Variants in GRID2 observed in about 807,000 individuals in gnomAD.
GRID2 encodes the protein glutamate ionotropic receptor delta type subunit 2.
Under a neutral mutation model 114.8 loss-of-function variants are expected in GRID2, and 33 were observed. That is an observed-to-expected ratio of 0.29 (90% CI 0.22 to 0.38). The LOEUF is 0.38. GRID2 is among the 10% of genes least tolerant of loss of function. GRID2 has a pLI of 1.00. For synonymous variants in GRID2, 505 were observed against 449.9 expected, an observed-to-expected ratio of 1.12 and a Z score of -1.55; for missense variants, 1,184 against 1,257.7, an observed-to-expected ratio of 0.94 and a Z score of 0.89.
intron 1 of GRID2, among the ~76,000 whole-genome samples, chr4:92,533,257 A>G (rs576137732): frequency 1.3e-5 from 2 of 151,806 alleles, no homozygotes; most frequent in East Asian, 3.9e-4. Context: ...TGGGAGCCCA[A>G]AAAGGTACAA....
chr4:92,632,289 A>C (rs925088734), intron 2 of GRID2, among the ~76,000 whole-genome samples: 1 of 152,276 alleles, frequency 6.6e-6, no homozygotes, highest in African/African-American at 2.4e-5. Context: ...CCACTGAAAT[A>C]GTTTTTAATT....
intron 1 of GRID2, among the ~76,000 whole-genome samples, chr4:92,391,656 T>G (rs1730243308): frequency 6.6e-6 from 1 of 152,182 alleles, no homozygotes; most frequent in African/African-American, 2.4e-5. Flanking sequence ...AATAGACCAC[T>G]GTGTGGATTA....
chr4:92,832,182 G>A (rs1742148307), intron 2 of GRID2, among the ~76,000 whole-genome samples: 1 of 152,126 alleles, frequency 6.6e-6, no homozygotes, highest in East Asian at 1.9e-4. Flanking sequence ...GCTCACTCCT[G>A]TAATCCCAGC....
At chr4:93,309,835 G>A (rs944252982) in intron 8 of GRID2, among the ~76,000 whole-genome samples, 8 of 152,158 alleles carry the variant, frequency 5.3e-5, no homozygotes, top group Non-Finnish European at 8.8e-5. Context: ...AAGAGGGCAT[G>A]AGACCTATTC....
chr4:93,110,675 T>C (rs1732677117), intron 3 of GRID2, 73 bp from the exon 4 acceptor site: 2 of 942,186 alleles, frequency 2.1e-6, no homozygotes, highest in Non-Finnish European at 3.5e-6. Context: ...TATTCTGATA[T>C]AGGTGAAATA....
chr4:92,323,284 A>G (rs1456097925), intron 1 of GRID2, among the ~76,000 whole-genome samples: 1 of 152,052 alleles, frequency 6.6e-6, no homozygotes, highest in African/African-American at 2.4e-5. Context: ...TCATAAGTGT[A>G]TATACATTTT....
At chr4:93,211,030 T>C (rs1404094101) in intron 5 of GRID2, among the ~76,000 whole-genome samples, 1 of 152,108 alleles carries the variant, frequency 6.6e-6, no homozygotes, top group African/African-American at 2.4e-5. Flanking sequence ...AGAAATGGAT[T>C]AATCTGGACA....
At chr4:92,506,865 G>A (rs1724000717) in intron 1 of GRID2, among the ~76,000 whole-genome samples, 1 of 151,740 alleles carries the variant, frequency 6.6e-6, no homozygotes, top group Non-Finnish European at 1.5e-5. Flanking sequence ...GGCGTCATCA[G>A]TTTCTGAAAA....
chr4:92,498,389 A>G lies in GRID2; in HGVS notation c.89-91742A>G, dbSNP rs547625465. Among the ~76,000 whole-genome samples the G allele has an allele frequency of 2.0e-5, 3 of 152,032 alleles. No individual in the cohort carries two copies. The South Asian group carries it at 6.2e-4, about 31-fold the overall frequency. Reference sequence around the variant, plus strand: ...CAGTAAGAGCATATATGTGCCAAGTATGTTCCAGTAAAGGGCAATTAAGGG... The same window carrying G: ...CAGTAAGAGCATATATGTGCCAAGTGTGTTCCAGTAAAGGGCAATTAAGGG... On this transcript the variant is annotated intron_variant, in intron 1 of 15. Transcript: ENST00000282020.
At chr4:93,807,079 T>C (rs1735048085) in exon 2 of GRID2, 1 of 152,306 alleles carries the variant, frequency 6.6e-6, no homozygotes, top group Admixed American at 6.5e-5. Context: ...ACAGGACTGC[T>C]GCTTTCAGCC....
At chr4:92,706,375 G>A (rs907589080) in intron 2 of GRID2, among the ~76,000 whole-genome samples, 1 of 152,148 alleles carries the variant, frequency 6.6e-6, no homozygotes, top group Admixed American at 6.5e-5. Flanking sequence ...AAATACTGAT[G>A]TTTGTTATTT....
At chr4:93,311,858 G>A (rs796894545) in intron 8 of GRID2, among the ~76,000 whole-genome samples, 6 of 152,300 alleles carry the variant, frequency 3.9e-5, no homozygotes, top group African/African-American at 1.2e-4. Flanking sequence ...ATCTTAGCGT[G>A]AGCGGTTTTG....
At chr4:93,126,239 TA>T (rs1234550538) in intron 4 of GRID2, among the ~76,000 whole-genome samples, 5 of 152,214 alleles carry the variant, frequency 3.3e-5, no homozygotes, top group African/African-American at 1.2e-4. Context: ...TTTCCAGTGA[TA>T]ATTTTTAATT....
chr4:93,219,585 A>G (rs1314286876), intron 6 of GRID2, among the ~76,000 whole-genome samples: 1 of 152,206 alleles, frequency 6.6e-6, no homozygotes, highest in Non-Finnish European at 1.5e-5. Context: ...TAGACAGAGA[A>G]GTAAAATTTA....
At chr4:93,623,347 C>T (rs1742392255) in intron 13 of GRID2, among the ~76,000 whole-genome samples, 1 of 152,046 alleles carries the variant, frequency 6.6e-6, no homozygotes, top group African/African-American at 2.4e-5. Context: ...GTGATGTTCC[C>T]CTTTCTGTGT....
chr4:93,031,726 A>G (rs1724457595), intron 2 of GRID2, among the ~76,000 whole-genome samples: 1 of 151,278 alleles, frequency 6.6e-6, no homozygotes, highest in Non-Finnish European at 1.5e-5. Context: ...GTCATGTGGA[A>G]CTGTGGGTCA....
chr4:93,078,564 G>T (rs1377348656), intron 2 of GRID2, among the ~76,000 whole-genome samples: 1 of 150,376 alleles, frequency 6.6e-6, no homozygotes, highest in African/African-American at 2.4e-5. Context: ...AAGATAAAAA[G>T]ATAGGAGATT....
At chr4:93,326,603 T>C (rs1056140938) in intron 8 of GRID2, among the ~76,000 whole-genome samples, 59 of 151,972 alleles carry the variant, frequency 3.9e-4, no homozygotes, top group Admixed American at 1.1e-3. Context: ...TTTTTTTTTT[T>C]CCTTTTTCTT....
chr4:92,603,255 A>C (rs920105677), intron 2 of GRID2, among the ~76,000 whole-genome samples: 99 of 152,294 alleles, frequency 6.5e-4, no homozygotes, highest in African/African-American at 2.2e-3. Flanking sequence ...AATCCTAAGC[A>C]AAAAGAACAA....
Sources: allele counts gnomAD v4.1 joint callset (sites outside exome capture counted in the v4.1 genomes callset), GRCh38; gene constraint gnomAD v4.1.1; transcripts MANE v1.5; gene names NCBI Gene and HGNC (gene_info 2026-07-23, HGNC 2026-07-21).